CPA6: variants seen among roughly 807,000 people sequenced by gnomAD.
CPA6 encodes carboxypeptidase B.
A neutral mutation model predicts 63.3 loss-of-function variants in CPA6; 58 were observed. The observed-to-expected ratio is 0.92, with a 90% CI of 0.74 to 1.14. The LOEUF is 1.14. Ranked by LOEUF, CPA6 falls within the 50% of genes most tolerant of loss-of-function variation. The probability of loss-of-function intolerance (pLI) is 0.00; values close to 1 mark genes in which losing one functional copy is unlikely to be tolerated. For missense variants in CPA6, 565 were observed against 526.6 expected, an observed-to-expected ratio of 1.07 and a Z score of -0.71; for synonymous variants, 185 against 179.0, an observed-to-expected ratio of 1.03 and a Z score of -0.27.
intron 1 of CPA6, among the ~76,000 whole-genome samples, chr8:67,710,736 G>T (rs796100427): frequency 1.0e-4 from 15 of 150,078 alleles, no homozygotes; most frequent in Middle Eastern, 3.4e-3. Context: ...CCCAAAGGGG[G>T]TCTGTTTAGT....
chr8:67,524,255 A>G (rs572761304), intron 2 of CPA6, among the ~76,000 whole-genome samples: 1 of 152,276 alleles, frequency 6.6e-6, no homozygotes, highest in South Asian at 2.1e-4. Flanking sequence ...TTCACAGTCC[A>G]TAACTTTTAA....
chr8:67,476,161 C>T (rs1811232560), intron 8 of CPA6, among the ~76,000 whole-genome samples: 2 of 151,790 alleles, frequency 1.3e-5, no homozygotes, highest in South Asian at 4.2e-4. Flanking sequence ...TGTCATCACA[C>T]CTGGCTAATT....
At chr8:67,698,912 A>C (rs1444764542) in intron 1 of CPA6, among the ~76,000 whole-genome samples, 1 of 152,250 alleles carries the variant, frequency 6.6e-6, no homozygotes, top group East Asian at 1.9e-4. Context: ...TGTGGCTTCA[A>C]ATAAGGTTCC....
chr8:67,542,281 A>C (rs1239596652), intron 2 of CPA6, among the ~76,000 whole-genome samples: 2 of 152,236 alleles, frequency 1.3e-5, no homozygotes, highest in Non-Finnish European at 2.9e-5. Context: ...TTACTGACAA[A>C]TTAACATCAA....
intron 2 of CPA6, among the ~76,000 whole-genome samples, chr8:67,551,956 A>C (rs1347874939): frequency 1.3e-5 from 2 of 152,220 alleles, no homozygotes; most frequent in African/African-American, 4.8e-5. Flanking sequence ...GGCAGTGAAG[A>C]ATTCAAGCTG....
intron 10 of CPA6, among the ~76,000 whole-genome samples, chr8:67,424,400 G>C (rs926492959): frequency 6.6e-6 from 1 of 152,036 alleles, no homozygotes; most frequent in Non-Finnish European, 1.5e-5. Flanking sequence ...TTGCCCCATT[G>C]CCTCCTCTAC....
intron 2 of CPA6, among the ~76,000 whole-genome samples, chr8:67,567,262 G>T (rs1474287585): frequency 6.6e-6 from 1 of 152,184 alleles, no homozygotes; most frequent in African/African-American, 2.4e-5. Flanking sequence ...TTTAGGTCTT[G>T]TGAGACCTGA....
intron 2 of CPA6, among the ~76,000 whole-genome samples, chr8:67,545,731 T>C (rs1455912430): frequency 6.6e-6 from 1 of 151,970 alleles, no homozygotes; most frequent in East Asian, 1.9e-4. Context: ...CCCAGCTAAT[T>C]TTTGTATTTT....
intron 2 of CPA6, among the ~76,000 whole-genome samples, chr8:67,548,592 A>G (rs1176495103): frequency 6.6e-6 from 1 of 152,188 alleles, no homozygotes; most frequent in African/African-American, 2.4e-5. Flanking sequence ...ACCAAAAAAC[A>G]AAGGAAGAAC....
intron 1 of CPA6, among the ~76,000 whole-genome samples, chr8:67,673,382 T>TA (rs1554532371): frequency 5.8e-5 from 4 of 68,602 alleles, no homozygotes; most frequent in South Asian, 4.0e-4. Context: ...TTATTATTAT[T>TA]TATTTATTTT....
intron 1 of CPA6, among the ~76,000 whole-genome samples, chr8:67,648,220 T>A (rs1385325420): frequency 6.7e-6 from 1 of 149,106 alleles, no homozygotes; most frequent in East Asian, 2.0e-4. Flanking sequence ...AGAGAATAGA[T>A]GAAAGATCAG....
chr8:67,440,925 G>T (rs1483069908), intron 8 of CPA6, among the ~76,000 whole-genome samples: 6 of 152,140 alleles, frequency 3.9e-5, no homozygotes, highest in African/African-American at 1.4e-4. Flanking sequence ...GTGTTTCTCT[G>T]TGTGTCCTCT....
rs754016707 is a variant in CPA6, at chr8:67,435,628, A to ATGTGTG, written c.839-1394_839-1389dup. 1.5e-3 allele frequency among the ~76,000 whole-genome samples: 217 copies of ATGTGTG among 149,354 alleles called. 1 individual carries two copies. Among genetic ancestry groups the ATGTGTG allele is most frequent in the Middle Eastern group, 0.014 (4 of 288 alleles). On this transcript the variant is annotated intron_variant, in intron 8 of 10. Transcript: ENST00000297770. Reference sequence around the variant, plus strand: ...TCAGTGTGTGAGTGTGTGTGCGTGCATGTGTGTGTGTGTGTGTGTGTATGT... The same window carrying ATGTGTG: ...TCAGTGTGTGAGTGTGTGTGCGTGCATGTGTGTGTGTGTGTGTGTGTGTGTGTATGT...
chr8:67,510,709 G>C (rs150016205), intron 4 of CPA6, among the ~76,000 whole-genome samples: 2 of 152,272 alleles, frequency 1.3e-5, no homozygotes, highest in East Asian at 3.9e-4. Context: ...GAAAATGTAT[G>C]ATTCATTCAT....
chr8:67,544,753 A>T (rs144789572), intron 2 of CPA6, among the ~76,000 whole-genome samples: 1 of 152,266 alleles, frequency 6.6e-6, no homozygotes, highest in Non-Finnish European at 1.5e-5. Flanking sequence ...CCATATATAT[A>T]TCTTTCGTAC....
chr8:67,552,054 A>G (rs573775708), intron 2 of CPA6, among the ~76,000 whole-genome samples: 1 of 152,354 alleles, frequency 6.6e-6, no homozygotes, highest in Admixed American at 6.5e-5. Context: ...TATGCACAAT[A>G]TGTAAACACG....
intron 1 of CPA6, among the ~76,000 whole-genome samples, chr8:67,631,690 C>G (rs745593420): frequency 6.6e-5 from 10 of 152,320 alleles, no homozygotes; most frequent in Non-Finnish European, 1.0e-4. Context: ...AAACTTTGTT[C>G]TTTTATTGTT....
intron 1 of CPA6, among the ~76,000 whole-genome samples, chr8:67,682,688 C>T (rs371048062): frequency 6.6e-6 from 1 of 152,188 alleles, no homozygotes; most frequent in East Asian, 1.9e-4. Context: ...TTCTTTAAGG[C>T]TTGCTTAAAA....
chr8:67,464,155 C>T (rs1330813160), intron 8 of CPA6, among the ~76,000 whole-genome samples: 15 of 152,204 alleles, frequency 9.9e-5, no homozygotes, highest in Non-Finnish European at 4.4e-5. Context: ...TCCTTTTACA[C>T]TGCAGCCTTG....
Sources: allele counts gnomAD v4.1 joint callset (sites outside exome capture counted in the v4.1 genomes callset), GRCh38; gene constraint gnomAD v4.1.1; transcripts MANE v1.5; gene names NCBI Gene and HGNC (gene_info 2026-07-23, HGNC 2026-07-21).